Variants in RCHY1 observed in about 807,000 individuals in gnomAD.
The protein encoded by RCHY1 is RING finger and CHY zinc finger domain-containing protein 1.
RCHY1 carries 21 observed loss-of-function variants against 41.6 expected under a neutral mutation model. The ratio of observed to expected loss-of-function variants is 0.51; its 90% CI spans 0.36 to 0.73. The LOEUF (loss-of-function observed/expected upper bound fraction) is 0.73, where lower values mean the gene tolerates loss of function less well. RCHY1 is among the 30% of genes least tolerant of loss of function. The probability of loss-of-function intolerance (pLI) is 0.00; values close to 1 mark genes in which losing one functional copy is unlikely to be tolerated. For missense variants in RCHY1, 265 were observed against 325.3 expected (o/e 0.81, Z 1.43); for synonymous variants, 79 against 102.9 (o/e 0.77, Z 1.41).
chr4:75,499,792 G>A (rs1050523738), intron 3 of RCHY1, among the ~76,000 whole-genome samples: 3 of 152,112 alleles, frequency 2.0e-5, no homozygotes, highest in East Asian at 1.9e-4. Context: ...GCAGGGGAGG[G>A]GATGAAGAAA....
In RCHY1 at chr4:75,481,392, C is replaced by T. The variant is rs894890195; in HGVS notation, c.*1146G>A. On this transcript the variant is annotated 3_prime_UTR_variant, in exon 9 of 9. Coordinates refer to ENST00000324439, the MANE Select transcript of RCHY1 (RefSeq NM_015436.4). ...TCCTAGCCTAATGGTAAAGCTATTA[C>T]GGAGATAACAGTGTCAAAGTCGGCT... is the stretch of plus-strand genomic sequence containing the variant. 3 of 152,142 alleles carry T rather than the reference C, an allele frequency of 2.0e-5. No homozygotes were observed. Among genetic ancestry groups the T allele is most frequent in the Non-Finnish European group, 4.4e-5 (3 of 68,032 alleles). The allele number at this position is 152,142 out of a possible 1,614,324, so 9.4% of individuals were successfully genotyped here. A position where few individuals can be genotyped will look rare whatever the true frequency, so the allele number is the denominator to read the frequency against.
At position 75,480,088 on chromosome 4, in the gene RCHY1, G is replaced by A. The variant is rs1721403558; in HGVS notation, c.*2450C>T. ...TTATTGTGAATGAGAAGTGTTGAAG[G>A]ATTTTAATCATCGAGTTGACGTGTC... On this transcript the variant is annotated 3_prime_UTR_variant, in exon 9 of 9. Transcript: ENST00000324439. The A allele has an allele frequency of 6.6e-6, 1 of 152,168 alleles. No homozygotes were observed. Among genetic ancestry groups the A allele is most frequent in the African/African-American group, 2.4e-5 (1 of 41,444 alleles). 9.4% of individuals were successfully genotyped at this position (152,168 alleles called of 1,614,324 possible).
intron 8 of RCHY1, 88 bp downstream of exon 8, chr4:75,490,492 TA>T (rs373872182): frequency 8.7e-5 from 80 of 924,750 alleles, no homozygotes; most frequent in Non-Finnish European, 1.1e-4. Context: ...AGTATATATA[TA>T]TTTTTTTTTT....
At chr4:75,487,692 C>CATAT (rs1295285460) in intron 8 of RCHY1, among the ~76,000 whole-genome samples, 1 of 59,160 alleles carries the variant, frequency 1.7e-5, no homozygotes, top group Non-Finnish European at 2.8e-5. Context: ...TATATATATT[C>CATAT]ATATATATAT....
At chr4:75,504,600 G>A (rs1724121559) in intron 3 of RCHY1, among the ~76,000 whole-genome samples, 1 of 152,184 alleles carries the variant, frequency 6.6e-6, no homozygotes, top group Non-Finnish European at 1.5e-5. Flanking sequence ...TAGTAGTTAA[G>A]TTGTGGGGAG....
At chr4:75,493,014 C>G (rs1026269207) in intron 4 of RCHY1, among the ~76,000 whole-genome samples, 1 of 151,982 alleles carries the variant, frequency 6.6e-6, no homozygotes, top group African/African-American at 2.4e-5. Flanking sequence ...AATGTAAATG[C>G]TGAGGTGAGG....
In RCHY1 at chr4:75,508,915, T is replaced by C; in HGVS notation, c.231A>G (p.Glu77=). The C allele has an allele frequency of 1.2e-6, 2 of 1,606,994 alleles. No homozygotes were observed. Among genetic ancestry groups the C allele is most frequent in the Non-Finnish European group, 1.7e-6 (2 of 1,177,354 alleles). Reference sequence around the variant, plus strand: ...AATATTCTCCAAACAATGTGCTACATTCTTCACAAGTCTGTTGGGCCTAAA... The same window carrying C: ...AATATTCTCCAAACAATGTGCTACACTCTTCACAAGTCTGTTGGGCCTAAA... ...KIQHAQQTCE[E]CSTLFGEYYC... is the part of the protein sequence containing the mutation. The change falls in exon 3 of 9, where the codon GAA becomes GAG. Residue 77 remains glutamate, a synonymous_variant. Transcript: ENST00000324439.
At chr4:75,514,501 C>T (rs754627645), upstream of RCHY1, 2 of 524,480 alleles carry the variant, frequency 3.8e-6, no homozygotes, top group Non-Finnish European at 6.9e-6. Flanking sequence ...TGACGTTAGT[C>T]GCAGTCTTCG....
At chr4:75,489,273 C>T (rs1028689537) in intron 8 of RCHY1, among the ~76,000 whole-genome samples, 36 of 152,004 alleles carry the variant, frequency 2.4e-4, no homozygotes, top group Non-Finnish European at 1.8e-4. Flanking sequence ...ACCTGATGGG[C>T]CATTTAAGTA....
At chr4:75,491,846 T>G in intron 5 of RCHY1, 43 bp downstream of exon 5, 1 of 1,604,046 alleles carries the variant, frequency 6.2e-7, no homozygotes, top group Non-Finnish European at 8.5e-7. Flanking sequence ...TATTTTAAAT[T>G]CAAGAGCTGA....
At chr4:75,512,912 G>T (rs201182132) in intron 1 of RCHY1, among the ~76,000 whole-genome samples, 4 of 137,430 alleles carry the variant, frequency 2.9e-5, no homozygotes, top group Non-Finnish European at 6.3e-5. Flanking sequence ...AGGGGGGGGG[G>T]GGGGCGGGGG....
chr4:75,513,376 A>G (rs1039814375), intron 1 of RCHY1, among the ~76,000 whole-genome samples: 1 of 152,184 alleles, frequency 6.6e-6, no homozygotes, highest in East Asian at 1.9e-4. Context: ...GTTAAACACT[A>G]TACACGCCCT....
In RCHY1 at chr4:75,509,227, G is replaced by C; in HGVS notation, c.160C>G (p.Arg54Gly). 1 of 1,612,740 alleles carries C rather than the reference G, an allele frequency of 6.2e-7. No individual in the cohort carries two copies. Among genetic ancestry groups the C allele is most frequent in the Non-Finnish European group, 8.5e-7 (1 of 1,179,168 alleles). Residue 54 changes from arginine (R) to glycine (G), a missense_variant, in exon 2 of 9, where the codon CGC (arginine) becomes GGC (glycine). Arg to Gly is a moderately radical substitution (Grantham distance 125). Coordinates refer to ENST00000324439, the MANE Select transcript of RCHY1 (RefSeq NM_015436.4). ...CACTGCACTTCCTTCACTTTAAAGCGATCTAGTTGATGATCTTCATTGTTA... is the reference window on the plus strand; with the variant it reads ...CACTGCACTTCCTTCACTTTAAAGCCATCTAGTTGATGATCTTCATTGTTA... ...HDNNEDHQLD[R>G]FKVKEVQCIN...
At chr4:75,498,046 C>A (rs1013374693) in intron 3 of RCHY1, among the ~76,000 whole-genome samples, 1 of 89,644 alleles carries the variant, frequency 1.1e-5, no homozygotes, top group Non-Finnish European at 2.5e-5. Flanking sequence ...AGACTAAAAA[C>A]ACAATACAAA....
intron 8 of RCHY1, among the ~76,000 whole-genome samples, chr4:75,487,036 T>C (rs907287133): frequency 1.3e-5 from 2 of 151,978 alleles, no homozygotes; most frequent in Non-Finnish European, 2.9e-5. Context: ...ATTGAAGGAA[T>C]AAAAAAGTGT....
intron 8 of RCHY1, among the ~76,000 whole-genome samples, chr4:75,485,465 CTT>C (rs950058432): frequency 4.6e-5 from 7 of 152,168 alleles, no homozygotes; most frequent in Admixed American, 1.3e-4. Flanking sequence ...ATTAGGAACT[CTT>C]ATCACTATTT....
rs1353792701 is a variant in RCHY1, at chr4:75,479,276, A to T, written c.*3262T>A. ...ACACAATTATCAATTAAATTTTAAT[A>T]ACACAAAGGACAAAAGAAAAAGTGG... On this transcript the variant is annotated 3_prime_UTR_variant, in exon 9 of 9. Coordinates refer to ENST00000324439, the MANE Select transcript of RCHY1 (RefSeq NM_015436.4). 1.0e-5 allele frequency: 1 copy of T among 98,858 alleles called. No homozygotes were observed. Among genetic ancestry groups the T allele is most frequent in the South Asian group, 2.9e-4 (1 of 3,498 alleles). 6.1% of individuals were successfully genotyped at this position (98,858 alleles called of 1,614,324 possible). A position where few individuals can be genotyped will look rare whatever the true frequency, so the allele number is the denominator to read the frequency against.
At chr4:75,496,185 G>C (rs1723188176) in intron 3 of RCHY1, among the ~76,000 whole-genome samples, 1 of 152,050 alleles carries the variant, frequency 6.6e-6, no homozygotes, top group Non-Finnish European at 1.5e-5. Flanking sequence ...AATGACAAAA[G>C]ACAGAATATA....
At chr4:75,484,291 C>T (rs781605722) in intron 8 of RCHY1, among the ~76,000 whole-genome samples, 1 of 152,114 alleles carries the variant, frequency 6.6e-6, no homozygotes, top group Non-Finnish European at 1.5e-5. Flanking sequence ...TAAAGCTCTG[C>T]GCATTTGTGT....
Sources: gnomAD v4.1 joint callset for allele counts (sites outside exome capture counted in the v4.1 genomes callset) on GRCh38, gnomAD v4.1.1 for gene constraint, MANE v1.5 for transcripts, NCBI Gene and HGNC (gene_info 2026-07-23, HGNC 2026-07-21) for gene names.